RGL1: variants seen among roughly 807,000 people sequenced by gnomAD.
The protein encoded by RGL1 is ral guanine nucleotide dissociation stimulator-like 1.
Under a neutral mutation model 95.2 loss-of-function variants are expected in RGL1, and 24 were observed. The ratio of observed to expected loss-of-function variants is 0.25; its 90% CI spans 0.18 to 0.35. The LOEUF (loss-of-function observed/expected upper bound fraction) is 0.35. Among genes scored for constraint, RGL1 ranks in the 10% least tolerant of loss-of-function variants. The probability of loss-of-function intolerance (pLI) is 1.00; values close to 1 mark genes in which losing one functional copy is unlikely to be tolerated. For synonymous variants in RGL1, 329 were observed against 344.9 expected (o/e 0.95, Z 0.51); for missense variants, 715 against 936.3 (o/e 0.76, Z 3.08).
At chr1:183,659,694 GA>G (rs1451094699) in intron 1 of RGL1, among the ~76,000 whole-genome samples, 56 of 151,892 alleles carry the variant, frequency 3.7e-4, no homozygotes, top group Admixed American at 6.5e-5. Context: ...TCAGATTCAG[GA>G]AATACAGAGA....
chr1:183,863,772 C>G (rs1665661199), intron 3 of RGL1, among the ~76,000 whole-genome samples: 1 of 152,194 alleles, frequency 6.6e-6, no homozygotes, highest in Admixed American at 6.5e-5. Context: ...ATCGTGTGCT[C>G]TGCCACACAC....
At chr1:183,675,896 A>G (rs1273385350) in intron 1 of RGL1, among the ~76,000 whole-genome samples, 2 of 152,226 alleles carry the variant, frequency 1.3e-5, no homozygotes, top group Non-Finnish European at 2.9e-5. Flanking sequence ...CTGTGATCCC[A>G]GTGCTTTGAG....
intron 1 of RGL1, chr1:183,648,218 T>C (rs1650451248): frequency 6.2e-7 from 1 of 1,614,072 alleles, no homozygotes; most frequent in African/African-American, 1.3e-5. Context: ...CACCACTTAT[T>C]GGACTCAAAA....
At chr1:183,872,008 T>C (rs1666211170) in intron 4 of RGL1, among the ~76,000 whole-genome samples, 1 of 152,248 alleles carries the variant, frequency 6.6e-6, no homozygotes, top group Non-Finnish European at 1.5e-5. Flanking sequence ...CATTTATTTC[T>C]AGGATTCCTA....
At chr1:183,669,136 G>C (rs1487078052) in intron 1 of RGL1, among the ~76,000 whole-genome samples, 1 of 151,798 alleles carries the variant, frequency 6.6e-6, no homozygotes, top group East Asian at 1.9e-4. Flanking sequence ...TAGAGATGGG[G>C]TTTCACCATG....
At chr1:183,753,286 AT>A (rs1367472340) in intron 2 of RGL1, among the ~76,000 whole-genome samples, 1 of 152,024 alleles carries the variant, frequency 6.6e-6, no homozygotes, top group Non-Finnish European at 1.5e-5. Context: ...CACTTATTGT[AT>A]TATTTACTTC....
chr1:183,770,056 A>C (rs1313244416), intron 2 of RGL1, among the ~76,000 whole-genome samples: 1 of 152,238 alleles, frequency 6.6e-6, no homozygotes, highest in Non-Finnish European at 1.5e-5. Context: ...ACATATGTAG[A>C]CAATCATCAA....
intron 1 of RGL1, among the ~76,000 whole-genome samples, chr1:183,671,748 C>A (rs1272129496): frequency 1.3e-5 from 2 of 152,052 alleles, no homozygotes; most frequent in Non-Finnish European, 2.9e-5. Flanking sequence ...ATCTGGTTTT[C>A]CAATTAGGTA....
chr1:183,701,676 T>C (rs6424905), intron 1 of RGL1, among the ~76,000 whole-genome samples: 72,182 of 152,060 alleles, frequency 0.47, 17,768 homozygotes, highest in East Asian at 0.76. Flanking sequence ...CAGTGGCTCA[T>C]GCCTGTAATC....
At chr1:183,800,392 AT>A (rs200381451), upstream of RGL1, among the ~76,000 whole-genome samples, 32 of 150,724 alleles carry the variant, frequency 2.1e-4, no homozygotes, top group African/African-American at 5.6e-4. Flanking sequence ...AAAGCAAGAA[AT>A]TTTTTTTTTC....
chr1:183,752,706 T>TCTCTCTCTCTCTCTC (rs58775038), intron 2 of RGL1, among the ~76,000 whole-genome samples: 1,835 of 109,946 alleles, frequency 0.017, 215 homozygotes, highest in African/African-American at 0.043. Context: ...CTCTCTCTCT[T>TCTCTCTCTCTCTCTC]TCCCCTTTCC....
chr1:183,733,129 T>A (rs1656728662), intron 1 of RGL1, among the ~76,000 whole-genome samples: 1 of 152,148 alleles, frequency 6.6e-6, no homozygotes, highest in East Asian at 1.9e-4. Flanking sequence ...GAAACAAATT[T>A]TTTTTTAATG....
At chr1:183,658,103 C>G (rs1651316544) in intron 1 of RGL1, among the ~76,000 whole-genome samples, 1 of 152,196 alleles carries the variant, frequency 6.6e-6, no homozygotes, top group South Asian at 2.1e-4. Flanking sequence ...AGGAACAGCT[C>G]CAGTCTACAG....
At chr1:183,884,996 C>A in intron 7 of RGL1, 58 bp downstream of exon 7, 1 of 1,431,888 alleles carries the variant, frequency 7.0e-7, no homozygotes, top group South Asian at 1.2e-5. Context: ...ACTGCTCCAT[C>A]ACTTCGTTTA....
intron 1 of RGL1, among the ~76,000 whole-genome samples, chr1:183,639,050 C>T (rs888129950): frequency 5.3e-5 from 8 of 152,126 alleles, no homozygotes; most frequent in Non-Finnish European, 7.4e-5. Context: ...GAAGCCAAGA[C>T]GGGCAGATCA....
rs553448811 is a variant in RGL1, at chr1:183,682,671, C to T, written c.-33+46170C>T. ...GATTTGGGGTGGAGAGTTCTGTAGA[C>T]GTCTATTAGATGTGCTTGGTCCAGA... On this transcript the variant is annotated intron_variant, in intron 1 of 18. Coordinates refer to the RGL1 transcript ENST00000304685. Among the ~76,000 whole-genome samples the T allele has an allele frequency of 2.6e-4, 39 of 152,136 alleles. 1 individual carries two copies. The highest frequency in any genetic ancestry group is 8.4e-4 in the African/African-American group (35 of 41,534).
intron 16 of RGL1, 115 bp from the exon 17 acceptor site, chr1:183,922,107 C>A (rs1669337656): frequency 3.7e-6 from 3 of 807,850 alleles, no homozygotes; most frequent in South Asian, 3.3e-5. Flanking sequence ...TTCCACGAGT[C>A]CGTTCTTTCT....
At position 183,927,325 on chromosome 1, in the gene RGL1, C is replaced by A. The variant is rs1247468235; in HGVS notation, c.*1033C>A. 1 of 152,546 alleles carries A rather than the reference C, an allele frequency of 6.6e-6. No homozygotes were observed. The highest frequency in any genetic ancestry group is 2.4e-5 in the African/African-American group (1 of 41,432). The allele number at this position is 152,546 out of a possible 1,614,324, so 9.4% of individuals were successfully genotyped here. ...ATTTATTCCTCAGGTGTGGAAATTTCTACTGCAATTGACTACGTTTGATTA... is the reference window on the plus strand; with the variant it reads ...ATTTATTCCTCAGGTGTGGAAATTTATACTGCAATTGACTACGTTTGATTA... On this transcript the variant is annotated 3_prime_UTR_variant, in exon 18 of 18. Transcript: ENST00000360851.
At position 183,927,260 on chromosome 1, in the gene RGL1, CTT is replaced by C. The variant is rs954333023; in HGVS notation, c.*971_*972del. On this transcript the variant is annotated 3_prime_UTR_variant, in exon 18 of 18. Transcript: ENST00000360851. ...GCATGTAAAACTATGTGTCTGGAGT[CTT>C]TTGCCATCTGGATCTTAGTACCTCT... The C allele has an allele frequency of 1.3e-5, 2 of 152,530 alleles. No individual in the cohort carries two copies. The highest frequency in any genetic ancestry group is 4.8e-5 in the African/African-American group (2 of 41,402). 9.4% of individuals were successfully genotyped at this position (152,530 alleles called of 1,614,324 possible).
Sources: gnomAD v4.1 joint callset for allele counts (sites outside exome capture counted in the v4.1 genomes callset) on GRCh38, gnomAD v4.1.1 for gene constraint, MANE v1.5 for transcripts, NCBI Gene and HGNC (gene_info 2026-07-23, HGNC 2026-07-21) for gene names.